The following LUZP2 variants were observed in gnomAD, a reference collection of about 807,000 sequenced individuals.
LUZP2 encodes the protein leucine zipper protein 2.
A neutral mutation model predicts 51.6 loss-of-function variants in LUZP2; 52 were observed. The ratio of observed to expected loss-of-function variants is 1.01; its 90% CI spans 0.81 to 1.27. The LOEUF (loss-of-function observed/expected upper bound fraction) is 1.27, where lower values mean the gene tolerates loss of function less well. Among genes scored for constraint, LUZP2 ranks in the 50% most tolerant of loss-of-function variants. The pLI is 0.00. For synonymous variants in LUZP2, 154 were observed against 137.3 expected, an observed-to-expected ratio of 1.12 and a Z score of -0.85; for missense variants, 436 against 395.4, an observed-to-expected ratio of 1.10 and a Z score of -0.87.
chr11:24,710,113 A>G (rs1857757116), intron 1 of LUZP2, among the ~76,000 whole-genome samples: 1 of 152,154 alleles, frequency 6.6e-6, no homozygotes, highest in Non-Finnish European at 1.5e-5. Flanking sequence ...AGTGCTTGTC[A>G]GTGTCTTCAG....
chr11:24,852,960 G>T (rs1026452085), intron 5 of LUZP2, among the ~76,000 whole-genome samples: 30 of 151,996 alleles, frequency 2.0e-4, no homozygotes, highest in African/African-American at 6.5e-4. Flanking sequence ...CTGAACCTAT[G>T]TGTGTCTTTG....
chr11:24,772,064 A>G (rs1163913659), intron 5 of LUZP2, among the ~76,000 whole-genome samples: 2 of 152,232 alleles, frequency 1.3e-5, no homozygotes, highest in Non-Finnish European at 2.9e-5. Context: ...AGACCCCACA[A>G]TATACAAAGA....
At chr11:24,970,417 CTCAGTGAAATTTA>C (rs1855710000) in intron 7 of LUZP2, among the ~76,000 whole-genome samples, 1 of 151,912 alleles carries the variant, frequency 6.6e-6, no homozygotes, top group South Asian at 2.1e-4. Context: ...TTCTATAAAC[CTCAGTGAAATTTA>C]TCAGAGAAAT....
intron 1 of LUZP2, among the ~76,000 whole-genome samples, chr11:24,673,987 C>T (rs549770911): frequency 2.8e-4 from 43 of 152,252 alleles, no homozygotes; most frequent in Non-Finnish European, 5.4e-4. Context: ...GTTTTGAATT[C>T]TGAAGTATTT....
chr11:24,743,892 A>T (rs1284917698), intron 4 of LUZP2, among the ~76,000 whole-genome samples: 3 of 151,994 alleles, frequency 2.0e-5, no homozygotes, highest in Non-Finnish European at 4.4e-5. Flanking sequence ...TGAAGGTTTT[A>T]ATCATAAAGG....
rs543136318 is a variant in LUZP2 at position 24,900,724 on chromosome 11, C to T, written c.397-5267C>T. Among the ~76,000 whole-genome samples, 93 of 152,258 alleles carry T rather than the reference C, an allele frequency of 6.1e-4. 3 individuals are homozygous for T. The South Asian group carries it at 0.019, about 32-fold the overall frequency. On this transcript the variant is annotated intron_variant, in intron 5 of 11. Transcript: ENST00000336930. The stretch of plus-strand genomic sequence containing the variant: ...AAACACAGCAAACACCGAGCTGTAA[C>T]CAGAGGAGCTGTTTTTGTACCTCAC...
At chr11:24,568,716 G>T in intron 1 of LUZP2, among the ~76,000 whole-genome samples, 1 of 152,008 alleles carries the variant, frequency 6.6e-6, no homozygotes, top group Admixed American at 6.6e-5. Context: ...TTATGCAAAT[G>T]TTTCTTAAAT....
chr11:24,919,866 C>G (rs1190081145), intron 7 of LUZP2, among the ~76,000 whole-genome samples: 1 of 151,018 alleles, frequency 6.6e-6, no homozygotes, highest in Non-Finnish European at 1.5e-5. Context: ...ACAATAATAA[C>G]AAGAGAAATG....
At chr11:24,659,907 G>A (rs1855959362) in intron 1 of LUZP2, among the ~76,000 whole-genome samples, 1 of 152,088 alleles carries the variant, frequency 6.6e-6, no homozygotes, top group South Asian at 2.1e-4. Context: ...TGATTAGATT[G>A]TGTTAGATTA....
chr11:25,021,385 T>C (rs113139666), intron 9 of LUZP2, among the ~76,000 whole-genome samples: 20 of 151,906 alleles, frequency 1.3e-4, no homozygotes, highest in African/African-American at 4.6e-4. Flanking sequence ...TTAAAAGTAG[T>C]GCAGGACACA....
At chr11:24,657,776 C>A (rs112216718) in intron 1 of LUZP2, among the ~76,000 whole-genome samples, 8 of 152,138 alleles carry the variant, frequency 5.3e-5, no homozygotes, top group African/African-American at 1.7e-4. Context: ...CATTCTTATA[C>A]ACCATTAACA....
intron 9 of LUZP2, among the ~76,000 whole-genome samples, chr11:25,009,427 A>G (rs903434194): frequency 1.3e-5 from 2 of 152,186 alleles, no homozygotes; most frequent in African/African-American, 4.8e-5. Flanking sequence ...TGAAATATCT[A>G]ATCAATGTGT....
intron 9 of LUZP2, among the ~76,000 whole-genome samples, chr11:24,991,392 GTGTGTA>G (rs1417620490): frequency 4.2e-4 from 44 of 104,542 alleles, no homozygotes; most frequent in East Asian, 1.9e-3. Context: ...GTGTGTGTGT[GTGTGTA>G]TATATATATA....
At chr11:25,045,001 T>C (rs962015076) in intron 9 of LUZP2, among the ~76,000 whole-genome samples, 8 of 124,684 alleles carry the variant, frequency 6.4e-5, no homozygotes, top group Non-Finnish European at 4.7e-5. Context: ...TAGGTGGGAA[T>C]TGAACAATGA....
chr11:24,580,558 C>A (rs1199399158), intron 1 of LUZP2, among the ~76,000 whole-genome samples: 1 of 151,962 alleles, frequency 6.6e-6, no homozygotes, highest in Non-Finnish European at 1.5e-5. Context: ...TGCAATTAAA[C>A]TTTTGGAGTC....
At chr11:24,625,320 G>A (rs1199035633) in intron 1 of LUZP2, among the ~76,000 whole-genome samples, 3 of 146,772 alleles carry the variant, frequency 2.0e-5, no homozygotes, top group African/African-American at 7.7e-5. Context: ...TTTGACAAGA[G>A]GAGAGATTTT....
intron 5 of LUZP2, among the ~76,000 whole-genome samples, chr11:24,796,633 A>G (rs11028179): frequency 0.14 from 20,888 of 151,420 alleles, 2,144 homozygotes; most frequent in East Asian, 0.41. Flanking sequence ...CTGGCTTGTG[A>G]TAAGACTGCT....
intron 1 of LUZP2, among the ~76,000 whole-genome samples, chr11:24,673,090 C>T (rs141229012): frequency 3.5e-4 from 54 of 152,278 alleles, no homozygotes; most frequent in Admixed American, 3.3e-3. Context: ...CCCAACATAA[C>T]ACCACCCCCA....
intron 1 of LUZP2, among the ~76,000 whole-genome samples, chr11:24,723,587 A>T (rs1858359612): frequency 6.6e-6 from 1 of 152,204 alleles, no homozygotes; most frequent in Admixed American, 6.5e-5. Flanking sequence ...GCACTTTGGG[A>T]GGCTGAGGCA....
Sources: gnomAD v4.1 joint callset for allele counts (sites outside exome capture counted in the v4.1 genomes callset) on GRCh38, gnomAD v4.1.1 for gene constraint, MANE v1.5 for transcripts, NCBI Gene and HGNC (gene_info 2026-07-23, HGNC 2026-07-21) for gene names.